The following INPP4B variants were observed in gnomAD, a reference collection of about 807,000 sequenced individuals.
The protein encoded by INPP4B is inositol polyphosphate-4-phosphatase type II B.
In INPP4B, 55 loss-of-function variants were observed where a neutral mutation model predicts 122.5. The ratio of observed to expected loss-of-function variants is 0.45; its 90% CI spans 0.36 to 0.56. INPP4B has a LOEUF of 0.56. Ranked by LOEUF, INPP4B falls within the 20% of genes least tolerant of loss-of-function variation. The pLI is 0.00. For missense variants in INPP4B, 1,000 were observed against 1,097.7 expected (o/e 0.91, Z 1.26); for synonymous variants, 403 against 388.7 (o/e 1.04, Z -0.43).
chr4:142,771,376 C>T (rs1052869203), intron 1 of INPP4B, among the ~76,000 whole-genome samples: 1 of 152,008 alleles, frequency 6.6e-6, no homozygotes, highest in African/African-American at 2.4e-5. Context: ...GATGTACATC[C>T]TAGAGAAGTT....
intron 2 of INPP4B, among the ~76,000 whole-genome samples, chr4:142,592,301 C>T (rs1346083552): frequency 6.6e-6 from 1 of 152,142 alleles, no homozygotes; most frequent in African/African-American, 2.4e-5. Context: ...ATGGTTTCTC[C>T]AAAGGCTTCC....
At chr4:142,105,472 A>T (rs3775637) in intron 23 of INPP4B, among the ~76,000 whole-genome samples, 49,822 of 152,012 alleles carry the variant, frequency 0.33, 8,254 homozygotes, top group African/African-American at 0.36. Flanking sequence ...ACAGAATTAG[A>T]AGACATTTTG....
intron 23 of INPP4B, among the ~76,000 whole-genome samples, chr4:142,098,311 G>A (rs902354228): frequency 6.6e-5 from 10 of 151,880 alleles, no homozygotes; most frequent in African/African-American, 1.9e-4. Context: ...AGAGGCCACC[G>A]TAAAAATGTA....
chr4:142,256,840 C>T (rs1013176109), intron 11 of INPP4B, among the ~76,000 whole-genome samples: 2 of 152,158 alleles, frequency 1.3e-5, no homozygotes, highest in Admixed American at 1.3e-4. Context: ...AGGGAATCCT[C>T]CCTAACTCAT....
intron 25 of INPP4B, among the ~76,000 whole-genome samples, chr4:142,048,339 T>C (rs767235896): frequency 3.9e-5 from 6 of 152,060 alleles, no homozygotes; most frequent in Admixed American, 1.3e-4. Context: ...CTCAGCATAA[T>C]TGGAGAGTAA....
intron 2 of INPP4B, among the ~76,000 whole-genome samples, chr4:142,494,889 A>G (rs528289608): frequency 1.3e-5 from 2 of 152,318 alleles, no homozygotes; most frequent in Middle Eastern, 3.4e-3. Flanking sequence ...AAGTCAGAGA[A>G]CTTAAAACAA....
intron 5 of INPP4B, among the ~76,000 whole-genome samples, chr4:142,407,303 T>C (rs1280692992): frequency 6.6e-6 from 1 of 152,194 alleles, no homozygotes; most frequent in Non-Finnish European, 1.5e-5. Flanking sequence ...AATACAGGCA[T>C]CTTGCCCACT....
At chr4:142,801,393 A>G (rs1777992248) in intron 1 of INPP4B, among the ~76,000 whole-genome samples, 3 of 152,182 alleles carry the variant, frequency 2.0e-5, no homozygotes, top group Admixed American at 1.3e-4. Flanking sequence ...GCAAGCCCCA[A>G]TCCAATCTGA....
intron 4 of INPP4B, among the ~76,000 whole-genome samples, chr4:142,429,923 A>T (rs1808925265): frequency 6.6e-6 from 1 of 152,120 alleles, no homozygotes; most frequent in Admixed American, 6.6e-5. Context: ...ACAGTGTAGC[A>T]GCTTCCTAAA....
chr4:142,721,211 G>C (rs913961692), intron 2 of INPP4B, among the ~76,000 whole-genome samples: 63 of 151,968 alleles, frequency 4.1e-4, no homozygotes, highest in Non-Finnish European at 7.4e-5. Flanking sequence ...AATTCCCAAA[G>C]GCTTCTCCCC....
chr4:142,035,050 C>T (rs1387241343), intron 25 of INPP4B, among the ~76,000 whole-genome samples: 1 of 152,168 alleles, frequency 6.6e-6, no homozygotes, highest in East Asian at 1.9e-4. Flanking sequence ...GTGTCTGTGT[C>T]TCCCTGTCTC....
At chr4:142,443,756 G>A (rs953201815) in intron 3 of INPP4B, among the ~76,000 whole-genome samples, 5 of 152,006 alleles carry the variant, frequency 3.3e-5, no homozygotes, top group Non-Finnish European at 4.4e-5. Context: ...GGAGAGTGGA[G>A]AGCAGTCTCC....
intron 2 of INPP4B, among the ~76,000 whole-genome samples, chr4:142,651,830 C>T (rs1184165639): frequency 6.6e-6 from 1 of 152,176 alleles, no homozygotes; most frequent in African/African-American, 2.4e-5. Flanking sequence ...TGTAACTATT[C>T]TAATCAACAG....
At chr4:142,254,569 T>A (rs958437403) in intron 11 of INPP4B, among the ~76,000 whole-genome samples, 1 of 152,022 alleles carries the variant, frequency 6.6e-6, no homozygotes, top group Non-Finnish European at 1.5e-5. Context: ...AGAAGCCTCA[T>A]GAGCCGAGGA....
chr4:142,299,173 G>GTTTTTTT (rs780746455), intron 9 of INPP4B, among the ~76,000 whole-genome samples: 1 of 143,510 alleles, frequency 7.0e-6, no homozygotes, highest in Non-Finnish European at 1.5e-5. Context: ...TTTTTTTGGG[G>GTTTTTTT]GGGAGACAGA....
intron 1 of INPP4B, among the ~76,000 whole-genome samples, chr4:142,789,178 T>C (rs1208551189): frequency 6.6e-6 from 1 of 151,988 alleles, no homozygotes; most frequent in African/African-American, 2.4e-5. Context: ...TGGAACAAGA[T>C]AAGGATGGCC....
chr4:142,750,322 GAAAA>G (rs1206186568), intron 1 of INPP4B, among the ~76,000 whole-genome samples: 1 of 151,940 alleles, frequency 6.6e-6, no homozygotes, highest in Non-Finnish European at 1.5e-5. Flanking sequence ...GAAAAATACA[GAAAA>G]AACTTCACAG....
intron 9 of INPP4B, among the ~76,000 whole-genome samples, chr4:142,299,445 G>T (rs1049507672): frequency 6.6e-6 from 1 of 151,556 alleles, no homozygotes; most frequent in South Asian, 2.1e-4. Flanking sequence ...GTGAGCCATC[G>T]CATCCGGCCT....
chr4:142,651,888 C>G (rs1753043161), intron 2 of INPP4B, among the ~76,000 whole-genome samples: 1 of 152,150 alleles, frequency 6.6e-6, no homozygotes, highest in Non-Finnish European at 1.5e-5. Flanking sequence ...CAGCATCATC[C>G]TGATACCAAA....
Sources: allele counts gnomAD v4.1 joint callset (sites outside exome capture counted in the v4.1 genomes callset), GRCh38; gene constraint gnomAD v4.1.1; transcripts MANE v1.5; gene names NCBI Gene and HGNC (gene_info 2026-07-23, HGNC 2026-07-21).